Variants in TWSG1 observed in about 807,000 individuals in gnomAD.
The protein encoded by TWSG1 is twisted gastrulation BMP signaling modulator 1.
In TWSG1, 15 loss-of-function variants were observed where a neutral mutation model predicts 23.0. The observed-to-expected ratio is 0.65, with a 90% CI of 0.44 to 1.00. The LOEUF (loss-of-function observed/expected upper bound fraction) is 1.00, where lower values mean the gene tolerates loss of function less well. Among genes scored for constraint, TWSG1 ranks in the 50% least tolerant of loss-of-function variants. TWSG1 has a pLI of 0.00. For synonymous variants in TWSG1, 86 were observed against 92.8 expected (o/e 0.93, Z 0.42); for missense variants, 242 against 278.7 (o/e 0.87, Z 0.94).
At chr18:9,378,397 G>A (rs1385241049) in intron 3 of TWSG1, among the ~76,000 whole-genome samples, 1 of 152,180 alleles carries the variant, frequency 6.6e-6, no homozygotes, top group Non-Finnish European at 1.5e-5. Flanking sequence ...TCCTTGAACT[G>A]ATAAACAACT....
chr18:9,337,490 G>A, intron 2 of TWSG1, 138 bp downstream of exon 2: 1 of 885,760 alleles, frequency 1.1e-6, no homozygotes, highest in Non-Finnish European at 1.7e-6. Context: ...ACTGAATCAT[G>A]ACACACAGGT....
chr18:9,340,533 C>T (rs1292086612), intron 2 of TWSG1, among the ~76,000 whole-genome samples: 1 of 152,152 alleles, frequency 6.6e-6, no homozygotes, highest in East Asian at 1.9e-4. Context: ...ATTTCACATT[C>T]TGATCTTTAG....
chr18:9,367,650 T>C (rs542377458), intron 3 of TWSG1, among the ~76,000 whole-genome samples: 6 of 152,234 alleles, frequency 3.9e-5, no homozygotes, highest in African/African-American at 1.4e-4. Flanking sequence ...AGTATTGGAT[T>C]CTTACAGGAG....
intron 2 of TWSG1, among the ~76,000 whole-genome samples, chr18:9,341,040 C>G (rs529628871): frequency 6.6e-6 from 1 of 152,268 alleles, no homozygotes; most frequent in East Asian, 1.9e-4. Flanking sequence ...CCATCTCCCT[C>G]CCTCTCTCCC....
chr18:9,360,575 C>T (rs1330624276), intron 3 of TWSG1, among the ~76,000 whole-genome samples: 1 of 152,132 alleles, frequency 6.6e-6, no homozygotes, highest in African/African-American at 2.4e-5. Context: ...GTTCAAGTAT[C>T]CCCTTTCCTT....
intron 3 of TWSG1, among the ~76,000 whole-genome samples, chr18:9,395,932 T>A (rs1422669500): frequency 6.6e-6 from 1 of 152,102 alleles, no homozygotes; most frequent in East Asian, 1.9e-4. Context: ...TCCTCCTGTG[T>A]CTCTTCAGCA....
At chr18:9,381,241 T>C (rs2040654773) in intron 3 of TWSG1, among the ~76,000 whole-genome samples, 1 of 152,226 alleles carries the variant, frequency 6.6e-6, no homozygotes, top group African/African-American at 2.4e-5. Flanking sequence ...CGTAGCGATA[T>C]AGCTACTATG....
At chr18:9,368,197 T>A (rs995851461) in intron 3 of TWSG1, among the ~76,000 whole-genome samples, 1 of 152,036 alleles carries the variant, frequency 6.6e-6, no homozygotes, top group African/African-American at 2.4e-5. Context: ...TGTGGTGTTT[T>A]TTTTGTTTTG....
At chr18:9,365,024 T>C (rs909640478) in intron 3 of TWSG1, among the ~76,000 whole-genome samples, 6 of 152,150 alleles carry the variant, frequency 3.9e-5, no homozygotes, top group Non-Finnish European at 7.3e-5. Context: ...TAATGTGCAT[T>C]AAAAGTTGGA....
At chr18:9,347,352 T>C (rs1196277143) in intron 2 of TWSG1, among the ~76,000 whole-genome samples, 1 of 152,226 alleles carries the variant, frequency 6.6e-6, no homozygotes, top group Non-Finnish European at 1.5e-5. Context: ...ATTTATTTCT[T>C]TCATGAATTG....
At chr18:9,379,668 A>G (rs1024764223) in intron 3 of TWSG1, among the ~76,000 whole-genome samples, 2 of 152,224 alleles carry the variant, frequency 1.3e-5, no homozygotes, top group South Asian at 2.1e-4. Context: ...TTAAAATAAA[A>G]GTTAAAGTGT....
At position 9,348,625 on chromosome 18, in the gene TWSG1, A is replaced by G. The variant is rs1276767954; in HGVS notation, c.123+11273A>G. Reference sequence around the variant, plus strand: ...TCCACTTTCATGTTCTGCGAAGTACAGGGCACATTGACATTTTAGATAACG... The same window carrying G: ...TCCACTTTCATGTTCTGCGAAGTACGGGGCACATTGACATTTTAGATAACG... On this transcript the variant is annotated intron_variant, in intron 2 of 4. Transcript: ENST00000262120. 2.0e-5 allele frequency among the ~76,000 whole-genome samples: 3 copies of G among 152,240 alleles called. 1 individual carries two copies.
intron 3 of TWSG1, among the ~76,000 whole-genome samples, chr18:9,381,958 A>G (rs2040658414): frequency 6.6e-6 from 1 of 152,172 alleles, no homozygotes; most frequent in Non-Finnish European, 1.5e-5. Context: ...ACATAGTTGT[A>G]CTTAAAACTC....
Position 9,352,662 on chromosome 18 carries a change from C to T in TWSG1, c.124-7310C>T, listed in dbSNP as rs1488129731. Reference sequence around the variant, plus strand: ...TATAATGTTGTTTTCAATGACGTTTCCTTGTTTTATTATAGCAACAGGGTT... The same window carrying T: ...TATAATGTTGTTTTCAATGACGTTTTCTTGTTTTATTATAGCAACAGGGTT... On this transcript the variant is annotated intron_variant, in intron 2 of 4. Transcript: ENST00000262120. Among the ~76,000 whole-genome samples, 3 of 152,114 alleles carry T rather than the reference C, an allele frequency of 2.0e-5. No homozygotes were observed. The East Asian group carries it at 5.8e-4, about 29-fold the overall frequency.
intron 3 of TWSG1, among the ~76,000 whole-genome samples, chr18:9,362,086 T>C (rs1408328205): frequency 1.3e-5 from 2 of 152,258 alleles, no homozygotes; most frequent in African/African-American, 2.4e-5. Context: ...TGTCCTCTTA[T>C]ATTCATCTTG....
At position 9,335,734 on chromosome 18, in the gene TWSG1, C is replaced by T. The variant is rs540117384; in HGVS notation, c.-38+814C>T. On this transcript the variant is annotated intron_variant, in intron 1 of 4. Transcript: ENST00000262120. ...CTTTGTGAGCCTCAGTAACGATCACCAGGGTTTTCTCTTTCAAAATTGACT... is the reference window on the plus strand; with the variant it reads ...CTTTGTGAGCCTCAGTAACGATCACTAGGGTTTTCTCTTTCAAAATTGACT... 2.6e-5 allele frequency among the ~76,000 whole-genome samples: 4 copies of T among 152,278 alleles called. No individual in the cohort carries two copies. In the East Asian group the frequency reaches 7.7e-4, roughly 29 times the overall value.
At chr18:9,346,166 C>A (rs1360736389) in intron 2 of TWSG1, among the ~76,000 whole-genome samples, 1 of 152,168 alleles carries the variant, frequency 6.6e-6, no homozygotes, top group African/African-American at 2.4e-5. Context: ...CCCCAGTCCC[C>A]TAGTAACCAC....
At chr18:9,336,936 A>C (rs1019896848) in intron 1 of TWSG1, among the ~76,000 whole-genome samples, 1 of 152,172 alleles carries the variant, frequency 6.6e-6, no homozygotes, top group Non-Finnish European at 1.5e-5. Context: ...AAGGCCAGGC[A>C]TGGTGGTATT....
chr18:9,344,395 T>G (rs193166062), intron 2 of TWSG1, among the ~76,000 whole-genome samples: 1 of 152,196 alleles, frequency 6.6e-6, no homozygotes, highest in African/African-American at 2.4e-5. Context: ...ACACTTATCT[T>G]TCCTTTTTAT....
Sources: allele counts gnomAD v4.1 joint callset (sites outside exome capture counted in the v4.1 genomes callset), GRCh38; gene constraint gnomAD v4.1.1; transcripts MANE v1.5; gene names NCBI Gene and HGNC (gene_info 2026-07-23, HGNC 2026-07-21).